The following NRG3 variants were observed in gnomAD, a reference collection of about 807,000 sequenced individuals.
NRG3 encodes neuregulin 3.
Under a neutral mutation model 66.9 loss-of-function variants are expected in NRG3, and 31 were observed. That is an observed-to-expected ratio of 0.46 (90% CI 0.35 to 0.63). The LOEUF is 0.63. Among genes scored for constraint, NRG3 ranks in the 20% least tolerant of loss-of-function variants. The pLI is 0.00. For missense variants in NRG3, 910 were observed against 878.9 expected (o/e 1.04, Z -0.45); for synonymous variants, 393 against 359.4 (o/e 1.09, Z -1.06).
chr10:82,006,446 G>A (rs1365546428), intron 1 of NRG3, among the ~76,000 whole-genome samples: 2 of 151,812 alleles, frequency 1.3e-5, no homozygotes, highest in Non-Finnish European at 2.9e-5. Context: ...CTTATAAAAG[G>A]TTTCAGTATT....
chr10:82,126,015 A>G (rs917919701), intron 1 of NRG3, among the ~76,000 whole-genome samples: 1 of 152,050 alleles, frequency 6.6e-6, no homozygotes, highest in African/African-American at 2.4e-5. Flanking sequence ...AATTTATTTT[A>G]CAAACAAGGA....
intron 2 of NRG3, among the ~76,000 whole-genome samples, chr10:82,421,437 G>A (rs1483492780): frequency 1.3e-5 from 2 of 151,996 alleles, no homozygotes; most frequent in Non-Finnish European, 2.9e-5. Context: ...CGGCAACAAT[G>A]ATGTACTCTT....
At chr10:82,737,291 G>T (rs947692706) in intron 2 of NRG3, among the ~76,000 whole-genome samples, 4 of 152,136 alleles carry the variant, frequency 2.6e-5, no homozygotes, top group African/African-American at 9.7e-5. Flanking sequence ...AAGAGAGCCT[G>T]CCCGATTACC....
rs184801769 is a variant in NRG3, at chr10:82,088,404, G to C, written c.823+212241G>C. 1.4e-3 allele frequency among the ~76,000 whole-genome samples: 217 copies of C among 152,200 alleles called. 1 individual carries two copies. Among genetic ancestry groups the C allele is most frequent in the African/African-American group, 5.1e-3 (210 of 41,500 alleles). The stretch of plus-strand genomic sequence containing the variant: ...TGTTCATAGTTGGACAAATTAATGT[G>C]TCTACAGCCCAACGGCAAACTATTG... On this transcript the variant is annotated intron_variant, in intron 1 of 8. Coordinates refer to ENST00000372141, the MANE Select transcript of NRG3 (RefSeq NM_001010848.4).
intron 1 of NRG3, among the ~76,000 whole-genome samples, chr10:81,914,769 CAAA>C (rs58460918): frequency 1.2e-4 from 8 of 67,170 alleles, no homozygotes; most frequent in Non-Finnish European, 1.3e-4. Context: ...AAACAGAAAG[CAAA>C]AAAAAAAAAA....
rs1017809579 is a variant in NRG3 at position 82,776,979 on chromosome 10, C to T, written c.1027+38329C>T. On this transcript the variant is annotated intron_variant, in intron 3 of 8. Transcript: ENST00000372141. ...TGTTTCTTTGGTGGTGTCATGTTCC[C>T]TTGCTTTTTCATGTTTCTTGTGTCC... Among the ~76,000 whole-genome samples the T allele has an allele frequency of 5.9e-5, 9 of 152,144 alleles. No individual in the cohort carries two copies. In the South Asian group the frequency reaches 1.7e-3, roughly 28 times the overall value.
At chr10:82,977,950 G>T (rs555459344) in intron 7 of NRG3, among the ~76,000 whole-genome samples, 8 of 152,236 alleles carry the variant, frequency 5.3e-5, no homozygotes, top group African/African-American at 1.9e-4. Flanking sequence ...TTGAAATTTT[G>T]AGAATGTTTT....
intron 1 of NRG3, among the ~76,000 whole-genome samples, chr10:82,358,461 A>G (rs556932781): frequency 1.4e-4 from 21 of 152,336 alleles, no homozygotes; most frequent in African/African-American, 4.6e-4. Flanking sequence ...TGTTTGACTT[A>G]GGATCATTCA....
At chr10:82,411,113 A>G (rs1383537570) in intron 2 of NRG3, among the ~76,000 whole-genome samples, 3 of 152,090 alleles carry the variant, frequency 2.0e-5, no homozygotes, top group Non-Finnish European at 2.9e-5. Flanking sequence ...ACAGGATTTC[A>G]GCATGTAAGC....
At chr10:82,234,922 C>T (rs549078045) in intron 1 of NRG3, among the ~76,000 whole-genome samples, 7 of 152,306 alleles carry the variant, frequency 4.6e-5, no homozygotes, top group Admixed American at 2.0e-4. Flanking sequence ...ACTGTGTAAT[C>T]GGGATGTGTT....
At chr10:82,324,932 T>G (rs1239701664) in intron 1 of NRG3, among the ~76,000 whole-genome samples, 3 of 152,242 alleles carry the variant, frequency 2.0e-5, no homozygotes, top group African/African-American at 7.2e-5. Flanking sequence ...GTTGGTTGAC[T>G]TTTGTTCAAG....
At chr10:82,002,779 T>A (rs2061225100) in intron 1 of NRG3, among the ~76,000 whole-genome samples, 1 of 152,194 alleles carries the variant, frequency 6.6e-6, no homozygotes, top group Non-Finnish European at 1.5e-5. Context: ...AAGAAAATAG[T>A]TTCATGGCCA....
At chr10:82,224,060 T>G (rs956259704) in intron 1 of NRG3, among the ~76,000 whole-genome samples, 16 of 152,190 alleles carry the variant, frequency 1.1e-4, no homozygotes, top group Non-Finnish European at 2.1e-4. Flanking sequence ...TGCCACCATG[T>G]GAGAACAAGG....
intron 1 of NRG3, among the ~76,000 whole-genome samples, chr10:82,225,778 A>G (rs2133824454): frequency 1.3e-5 from 2 of 152,318 alleles, no homozygotes; most frequent in African/African-American, 4.8e-5. Flanking sequence ...TTAAAATAAA[A>G]TCACCAAGGA....
chr10:82,041,486 C>A (rs1368440615), intron 1 of NRG3, among the ~76,000 whole-genome samples: 1 of 151,956 alleles, frequency 6.6e-6, no homozygotes, highest in Non-Finnish European at 1.5e-5. Context: ...GGATCTATCT[C>A]TAAACCTAAT....
chr10:82,858,432 A>G (rs542807010), intron 3 of NRG3, among the ~76,000 whole-genome samples: 2 of 152,280 alleles, frequency 1.3e-5, no homozygotes, highest in East Asian at 3.9e-4. Flanking sequence ...ATCTCGGAGC[A>G]AGAACACACG....
intron 1 of NRG3, among the ~76,000 whole-genome samples, chr10:81,965,708 T>A (rs571289787): frequency 6.6e-6 from 1 of 152,306 alleles, no homozygotes; most frequent in African/African-American, 2.4e-5. Context: ...AACTCCTTTA[T>A]AGTGTAATGG....
intron 2 of NRG3, among the ~76,000 whole-genome samples, chr10:82,727,216 A>G (rs1478043799): frequency 1.3e-5 from 2 of 152,270 alleles, no homozygotes; most frequent in Non-Finnish European, 2.9e-5. Context: ...AGAAATTTGC[A>G]TAAGTAACAA....
At chr10:82,944,638 G>C (rs900475386) in intron 4 of NRG3, among the ~76,000 whole-genome samples, 5 of 152,180 alleles carry the variant, frequency 3.3e-5, no homozygotes, top group African/African-American at 9.7e-5. Flanking sequence ...ACCCAAGCCT[G>C]CTGGGGCACA....
Sources: allele counts gnomAD v4.1 joint callset (sites outside exome capture counted in the v4.1 genomes callset), GRCh38; gene constraint gnomAD v4.1.1; transcripts MANE v1.5; gene names NCBI Gene and HGNC (gene_info 2026-07-23, HGNC 2026-07-21).